The following ERBB4 variants were observed in gnomAD, a reference collection of about 807,000 sequenced individuals.
The protein encoded by ERBB4 is receptor tyrosine-protein kinase erbB-4.
ERBB4 carries 42 observed loss-of-function variants against 158.0 expected under a neutral mutation model. That is an observed-to-expected ratio of 0.27 (90% CI 0.21 to 0.34). The LOEUF (loss-of-function observed/expected upper bound fraction) is 0.34. ERBB4 is among the 10% of genes least tolerant of loss of function. The probability of loss-of-function intolerance (pLI) is 1.00; values close to 1 mark genes in which losing one functional copy is unlikely to be tolerated. For synonymous variants in ERBB4, 583 were observed against 558.7 expected, an observed-to-expected ratio of 1.04 and a Z score of -0.61; for missense variants, 1,333 against 1,624.1, an observed-to-expected ratio of 0.82 and a Z score of 3.08.
chr2:212,196,529 T>C (rs2082432258), intron 1 of ERBB4, among the ~76,000 whole-genome samples: 2 of 152,078 alleles, frequency 1.3e-5, no homozygotes, highest in Admixed American at 6.6e-5. Flanking sequence ...CAAATCTGTG[T>C]TGTTCAAAGG....
intron 1 of ERBB4, among the ~76,000 whole-genome samples, chr2:212,173,494 G>C (rs2081577971): frequency 6.6e-6 from 1 of 152,102 alleles, no homozygotes; most frequent in Non-Finnish European, 1.5e-5. Flanking sequence ...ATTGAGGTCT[G>C]TTATTACCCA....
intron 1 of ERBB4, among the ~76,000 whole-genome samples, chr2:212,279,990 C>T (rs1310531642): frequency 6.6e-6 from 1 of 151,478 alleles, no homozygotes; most frequent in African/African-American, 2.4e-5. Flanking sequence ...AATAATCAAA[C>T]AACATCTAGA....
chr2:211,803,886 T>G (rs765076532), intron 3 of ERBB4, among the ~76,000 whole-genome samples: 2 of 152,238 alleles, frequency 1.3e-5, no homozygotes, highest in East Asian at 3.9e-4. Context: ...GAGGCAGTTA[T>G]ACAGTTCATG....
At chr2:211,861,134 A>AT (rs1404580106) in intron 3 of ERBB4, among the ~76,000 whole-genome samples, 4 of 54,088 alleles carry the variant, frequency 7.4e-5, no homozygotes, top group African/African-American at 3.0e-4. Context: ...TTATATATAT[A>AT]TATATATATA....
At chr2:212,461,217 C>A (rs1340951145) in intron 1 of ERBB4, among the ~76,000 whole-genome samples, 8 of 152,130 alleles carry the variant, frequency 5.3e-5, no homozygotes. Context: ...GAATGGTAGA[C>A]CCAGTGACGG....
intron 19 of ERBB4, among the ~76,000 whole-genome samples, chr2:211,565,507 G>C (rs1045833008): frequency 5.9e-5 from 9 of 152,190 alleles, no homozygotes; most frequent in African/African-American, 1.9e-4. Context: ...AGTGGAAAAT[G>C]GGGGCAGGGA....
intron 25 of ERBB4, among the ~76,000 whole-genome samples, chr2:211,402,729 G>T (rs2063070958): frequency 6.6e-6 from 1 of 151,924 alleles, no homozygotes; most frequent in African/African-American, 2.4e-5. Context: ...CTGCAATAAA[G>T]TTTTAAAATG....
chr2:212,270,630 G>A (rs2085307649), intron 1 of ERBB4, among the ~76,000 whole-genome samples: 1 of 151,694 alleles, frequency 6.6e-6, no homozygotes, highest in African/African-American at 2.4e-5. Flanking sequence ...TAAGAGGCCT[G>A]GAACTTTCTA....
intron 2 of ERBB4, among the ~76,000 whole-genome samples, chr2:212,070,801 A>G (rs1225429032): frequency 6.6e-6 from 1 of 151,986 alleles, no homozygotes; most frequent in Non-Finnish European, 1.5e-5. Flanking sequence ...CTTTAAATAC[A>G]TTTAGTTTTA....
At chr2:211,857,092 G>T (rs7595501) in intron 3 of ERBB4, among the ~76,000 whole-genome samples, 32,213 of 151,864 alleles carry the variant, frequency 0.21, 3,572 homozygotes, top group South Asian at 0.32. Flanking sequence ...AGGTAACATT[G>T]CTAGGAAGTC....
At chr2:211,856,033 G>A (rs1245315692) in intron 3 of ERBB4, among the ~76,000 whole-genome samples, 4 of 152,096 alleles carry the variant, frequency 2.6e-5, no homozygotes, top group South Asian at 2.1e-4. Context: ...TTTGGGTGAC[G>A]GGTACACTAA....
intron 20 of ERBB4, among the ~76,000 whole-genome samples, chr2:211,529,763 T>C (rs899806232): frequency 2.6e-5 from 4 of 152,150 alleles, no homozygotes; most frequent in East Asian, 1.9e-4. Flanking sequence ...ATCATTTCAA[T>C]TGAAGCTAAA....
chr2:212,267,598 T>TTTTTC (rs1559884923), intron 1 of ERBB4, among the ~76,000 whole-genome samples: 2 of 134,742 alleles, frequency 1.5e-5, no homozygotes, highest in African/African-American at 5.8e-5. Context: ...TTCTCATTTC[T>TTTTTC]TTTTTTTTTT....
At chr2:212,482,742 G>A (rs1339490381) in intron 1 of ERBB4, among the ~76,000 whole-genome samples, 2 of 152,068 alleles carry the variant, frequency 1.3e-5, no homozygotes, top group Non-Finnish European at 2.9e-5. Flanking sequence ...TCAGCCTCTT[G>A]AGTAGCTGGG....
intron 1 of ERBB4, among the ~76,000 whole-genome samples, chr2:212,514,783 G>A (rs1691731064): frequency 6.6e-6 from 1 of 152,132 alleles, no homozygotes; most frequent in Non-Finnish European, 1.5e-5. Flanking sequence ...CCAGCCTGGT[G>A]ACAGACCAAG....
rs140700805 is a variant in ERBB4 at position 212,101,236 on chromosome 2, C to T, written c.234+23516G>A. Among the ~76,000 whole-genome samples the T allele has an allele frequency of 1.8e-3, 273 of 151,400 alleles. 4 individuals are homozygous for T. The East Asian group carries it at 0.026, about 14-fold the overall frequency. ...GAACATTCCAGTGTGTAGCACATGG[C>T]GGATAATAAAAATATCATTATTGGA... On this transcript the variant is annotated intron_variant, in intron 2 of 27. Coordinates refer to ENST00000342788, the MANE Select transcript of ERBB4 (RefSeq NM_005235.3).
intron 3 of ERBB4, among the ~76,000 whole-genome samples, chr2:211,889,134 G>C (rs1375753238): frequency 7.0e-6 from 1 of 143,592 alleles, no homozygotes; most frequent in Non-Finnish European, 1.5e-5. Flanking sequence ...AACCTCTGCA[G>C]ACTTAAGTGT....
At chr2:212,217,558 C>CCAGGG (rs1375324163) in intron 1 of ERBB4, among the ~76,000 whole-genome samples, 3 of 151,226 alleles carry the variant, frequency 2.0e-5, no homozygotes, top group African/African-American at 7.2e-5. Flanking sequence ...CAGGGTAAGG[C>CCAGGG]TAGGCAGACA....
At chr2:212,294,068 AG>A (rs990644571) in intron 1 of ERBB4, among the ~76,000 whole-genome samples, 2 of 151,980 alleles carry the variant, frequency 1.3e-5, no homozygotes, top group African/African-American at 4.8e-5. Context: ...AGTAATAAAG[AG>A]GATAATCTCT....
Sources: allele counts gnomAD v4.1 joint callset (sites outside exome capture counted in the v4.1 genomes callset), GRCh38; gene constraint gnomAD v4.1.1; transcripts MANE v1.5; gene names NCBI Gene and HGNC (gene_info 2026-07-23, HGNC 2026-07-21).